The following STARD9 variants were observed in gnomAD, a reference collection of about 807,000 sequenced individuals.
STARD9 encodes the protein StAR related lipid transfer domain containing 9.
A neutral mutation model predicts 399.8 loss-of-function variants in STARD9; 346 were observed. The observed-to-expected ratio is 0.87, with a 90% CI of 0.79 to 0.95. The LOEUF (loss-of-function observed/expected upper bound fraction) is 0.95, where lower values mean the gene tolerates loss of function less well. Ranked by LOEUF, STARD9 falls within the 40% of genes least tolerant of loss-of-function variation. The probability of loss-of-function intolerance (pLI) is 0.00; values close to 1 mark genes in which losing one functional copy is unlikely to be tolerated. For synonymous variants in STARD9, 2,203 were observed against 2,143.5 expected (o/e 1.03, Z -0.77); for missense variants, 5,832 against 5,667.5 (o/e 1.03, Z -0.93).
rs755956894 is a variant in STARD9 at position 42,695,214 on chromosome 15, C to T, written c.13037C>T (p.Ala4346Val). 7.2e-6 allele frequency: 11 copies of T among 1,537,156 alleles called. No homozygotes were observed. Among genetic ancestry groups the T allele is most frequent in the Non-Finnish European group, 9.6e-6 (11 of 1,146,832 alleles). Reference protein sequence around the residue: ...IELMLQDYQQAHEEAKVEIAR... With the variant: ...IELMLQDYQQVHEEAKVEIAR... Reference sequence around the variant, plus strand: ...TTGATGCTGCAAGACTACCAGCAGGCCCATGAGGAGGCCAAGGTGGAGATT... The same window carrying T: ...TTGATGCTGCAAGACTACCAGCAGGTCCATGAGGAGGCCAAGGTGGAGATT... Residue 4346 changes from alanine (A) to valine (V), a missense_variant, in exon 25 of 33, where the codon GCC becomes GTC. Physicochemically the swap from Ala to Val is moderately conservative, Grantham distance 64. This residue lies in a region of STARD9 where 5,828 missense variants were observed against 5,651.1 expected (regional missense o/e 1.03). Transcript: ENST00000290607.
At chr15:42,711,289 G>A (rs557597474) in intron 26 of STARD9, among the ~76,000 whole-genome samples, 12 of 152,088 alleles carry the variant, frequency 7.9e-5, no homozygotes, top group South Asian at 6.2e-4. Context: ...ACAGGCATCC[G>A]CCACCACGCC....
chr15:42,591,575 T>C (rs944564426), intron 3 of STARD9, among the ~76,000 whole-genome samples: 1 of 152,156 alleles, frequency 6.6e-6, no homozygotes, highest in African/African-American at 2.4e-5. Flanking sequence ...TTTATGGCAT[T>C]ATACAGGTGG....
rs1478274491 is a variant in STARD9, at chr15:42,638,069, C to T, written c.428C>T (p.Ser143Phe). The T allele has an allele frequency of 3.9e-6, 6 of 1,537,234 alleles. No individual in the cohort carries two copies. In the East Asian group the frequency reaches 9.8e-5, roughly 25 times the overall value. The part of the protein sequence containing the change: ...REKDCASLPS[S>F]CRIKVSFLEI... ...AAAGACTGTGCCTCACTGCCTTCCT[C>T]CTGTAGGATAAAAGTAAGGTAAGAA... The change falls in exon 6 of 33, where the codon TCC becomes TTC. Residue 143 changes from serine (S) to phenylalanine (F), a missense_variant. Ser to Phe is a radical substitution (Grantham distance 155, BLOSUM62 -2). Coordinates refer to ENST00000290607, the MANE Select transcript of STARD9 (RefSeq NM_020759.3).
intron 7 of STARD9, among the ~76,000 whole-genome samples, chr15:42,642,619 T>C (rs1035097517): frequency 6.6e-6 from 1 of 152,242 alleles, no homozygotes; most frequent in Non-Finnish European, 1.5e-5. Flanking sequence ...GCCTTTTTTT[T>C]CTTGCCTTTC....
intron 7 of STARD9, among the ~76,000 whole-genome samples, chr15:42,650,443 A>G (rs186549320): frequency 6.6e-6 from 1 of 152,266 alleles, no homozygotes; most frequent in East Asian, 1.9e-4. Context: ...AAGCCTCCCC[A>G]TTCTATAGTG....
chr15:42,669,327 A>G lies in STARD9; in HGVS notation c.1487A>G (p.Tyr496Cys), dbSNP rs1188966489. ...GTGCTCAGCACAGGTGTTGTGCTCT[A>G]TCATCTCAAGGTGAGGAGGCTAGTG... is the stretch of plus-strand genomic sequence containing the variant. ...DDVLSTGVVL[Y>C]HLKEGTTKIG... The change falls in exon 16 of 33, where the codon TAT becomes TGT. Residue 496 changes from tyrosine (Y) to cysteine (C), a missense_variant. This residue lies in a region of STARD9 where 5,828 missense variants were observed against 5,651.1 expected (regional missense o/e 1.03). Transcript: ENST00000290607. 5.3e-6 allele frequency: 8 copies of G among 1,517,358 alleles called. No homozygotes were observed. The highest frequency in any genetic ancestry group is 5.3e-6 in the Non-Finnish European group (6 of 1,130,890). The allele number at this position is 1,517,358 out of a possible 1,614,324, so 94.0% of individuals were successfully genotyped here.
intron 2 of STARD9, 42 bp from the exon 3 acceptor site, chr15:42,585,479 T>G: frequency 7.2e-7 from 1 of 1,386,956 alleles, no homozygotes; most frequent in Non-Finnish European, 9.9e-7. Context: ...CAGATTCTAA[T>G]ATTATGATAG....
chr15:42,693,862 A>G lies in STARD9; in HGVS notation c.12284A>G (p.Asp4095Gly), dbSNP rs758265715. The stretch of plus-strand genomic sequence containing the variant: ...CCCTGCCCTGTCTCTGAGTTGACTG[A>G]TACTGCAGGGCTCCGAGGTTCTGCC... The part of the protein sequence containing the change: ...LSPCPVSELT[D>G]TAGLRGSALG... Residue 4095 changes from aspartate to glycine, a missense_variant, in exon 23 of 33, where the codon GAT becomes GGT. Coordinates refer to ENST00000290607, the MANE Select transcript of STARD9 (RefSeq NM_020759.3). 6.5e-7 allele frequency: 1 copy of G among 1,536,326 alleles called. No individual in the cohort carries two copies.
chr15:42,615,261 C>CT (rs1185637523), intron 3 of STARD9, among the ~76,000 whole-genome samples: 1 of 151,942 alleles, frequency 6.6e-6, no homozygotes, highest in African/African-American at 2.4e-5. Context: ...CCGATGCCTC[C>CT]GCCTCCCAAA....
At chr15:42,587,577 T>G (rs1029025074) in intron 3 of STARD9, among the ~76,000 whole-genome samples, 15 of 152,154 alleles carry the variant, frequency 9.9e-5, no homozygotes, top group African/African-American at 3.1e-4. Flanking sequence ...TTATTTTATT[T>G]TTTGGGGGGA....
intron 3 of STARD9, among the ~76,000 whole-genome samples, chr15:42,604,769 G>C (rs1408912276): frequency 1.3e-5 from 2 of 149,368 alleles, no homozygotes; most frequent in Non-Finnish European, 3.0e-5. Flanking sequence ...TTAGCCTCCT[G>C]AGTAACTAAG....
chr15:42,717,980 TCA>T lies in STARD9; in HGVS notation c.13564_13565del (p.Gln4522GlyfsTer2). 1 of 1,537,134 alleles carries T rather than the reference TCA, an allele frequency of 6.5e-7. No individual in the cohort carries two copies. The highest frequency in any genetic ancestry group is 8.7e-7 in the Non-Finnish European group (1 of 1,146,860). On this transcript the variant is annotated frameshift_variant, in exon 30 of 33. Coordinates refer to ENST00000290607, the MANE Select transcript of STARD9 (RefSeq NM_020759.3). LOFTEE classifies it high-confidence loss of function. ...TGTGCTTGGTGTCTCCCCCCAGCTA[TCA>T]GGGTGAGGAGCAGGCGGTGCAGCTT... Reference protein sequence around the residue: ...SCQATAGWNYQGEEQAVQLYY... With the variant: ...SCQATAGWNYXGEEQAVQLYY...
intron 3 of STARD9, among the ~76,000 whole-genome samples, chr15:42,599,371 G>C (rs897545516): frequency 6.6e-6 from 1 of 152,130 alleles, no homozygotes. Flanking sequence ...TTCTTTCTCA[G>C]ACTGTCCTAG....
chr15:42,683,144 G>T (rs2060470878), intron 22 of STARD9, among the ~76,000 whole-genome samples: 1 of 152,336 alleles, frequency 6.6e-6, no homozygotes, highest in South Asian at 2.1e-4. Context: ...GCAAGGGTTT[G>T]TGTCTTATAC....
Position 42,634,932 on chromosome 15 carries a change from A to T in STARD9, c.311A>T (p.Gln104Leu). The T allele has an allele frequency of 6.5e-7, 1 of 1,537,134 alleles. No homozygotes were observed. The highest frequency in any genetic ancestry group is 8.7e-7 in the Non-Finnish European group (1 of 1,146,740). Residue 104 changes from glutamine (Q) to leucine (L), a missense_variant, in exon 4 of 33, where the codon CAG becomes CTG. Around this residue, in one of 2 missense-constraint regions of STARD9, gnomAD observed 5,828 missense variants for 5,651.1 expected, o/e 1.03. Coordinates refer to ENST00000290607, the MANE Select transcript of STARD9 (RefSeq NM_020759.3). Reference sequence around the variant, plus strand: ...AACATATGCCTTTTTGCTTATGGACAGACAGGCTCTGGGAAGACATATACC... The same window carrying T: ...AACATATGCCTTTTTGCTTATGGACTGACAGGCTCTGGGAAGACATATACC... ...GYNICLFAYG[Q>L]TGSGKTYTML...
chr15:42,685,016 A>G lies in STARD9; in HGVS notation c.3438A>G (p.Leu1146=), dbSNP rs776066903. 4 of 1,537,200 alleles carry G rather than the reference A, an allele frequency of 2.6e-6. No individual in the cohort carries two copies. The highest frequency in any genetic ancestry group is 2.0e-5 in the Admixed American group (1 of 51,008). ...PENSESDDSQ[L]SEDSLAEKRY... is the part of the protein sequence containing the mutation. Reference sequence around the variant, plus strand: ...ACTCTGAAAGTGATGACAGCCAACTATCTGAGGACTCACTGGCTGAGAAGA... The same window carrying G: ...ACTCTGAAAGTGATGACAGCCAACTGTCTGAGGACTCACTGGCTGAGAAGA... The change falls in exon 23 of 33, where the codon CTA becomes CTG. Residue 1146 remains leucine (L), a synonymous_variant. Coordinates refer to ENST00000290607, the MANE Select transcript of STARD9 (RefSeq NM_020759.3).
intron 3 of STARD9, among the ~76,000 whole-genome samples, chr15:42,624,576 T>TCTCC (rs2059159033): frequency 6.6e-6 from 1 of 150,542 alleles, no homozygotes; most frequent in African/African-American, 2.5e-5. Context: ...TGAGACAGAG[T>TCTCC]CTCCCTCTGT....
At chr15:42,586,137 G>T (rs1380147243) in intron 3 of STARD9, among the ~76,000 whole-genome samples, 1 of 152,218 alleles carries the variant, frequency 6.6e-6, no homozygotes, top group African/African-American at 2.4e-5. Context: ...CATGATTCAG[G>T]TGGGTATAAG....
intron 26 of STARD9, among the ~76,000 whole-genome samples, chr15:42,696,129 G>A (rs1049291745): frequency 3.3e-5 from 5 of 152,220 alleles, no homozygotes; most frequent in African/African-American, 7.2e-5. Flanking sequence ...GAGCAAAACT[G>A]TTCTTGTCCT....
Sources: gnomAD v4.1 joint callset for allele counts (sites outside exome capture counted in the v4.1 genomes callset) on GRCh38, gnomAD v4.1.1 for gene constraint, gnomAD v4.1.1 regional missense constraint, MANE v1.5 for transcripts, NCBI Gene and HGNC (gene_info 2026-07-23, HGNC 2026-07-21) for gene names.